ARHGAP22: variants seen among roughly 807,000 people sequenced by gnomAD.
ARHGAP22 encodes rho GTPase-activating protein 22.
In ARHGAP22, 48 loss-of-function variants were observed where a neutral mutation model predicts 59.1. The observed-to-expected ratio is 0.81, with a 90% confidence interval of 0.64 to 1.03. ARHGAP22 has a LOEUF of 1.03. Among genes scored for constraint, ARHGAP22 ranks in the 50% least tolerant of loss-of-function variants. The pLI, the probability that ARHGAP22 is intolerant of heterozygous loss-of-function variation, is 0.00. For synonymous variants in ARHGAP22, 445 were observed against 416.4 expected, an observed-to-expected ratio of 1.07 and a Z score of -0.84; for missense variants, 1,015 against 958.7, an observed-to-expected ratio of 1.06 and a Z score of -0.78.
chr10:48,631,126 C>A (rs1284746245), intron 1 of ARHGAP22, among the ~76,000 whole-genome samples: 2 of 152,168 alleles, frequency 1.3e-5, no homozygotes, highest in African/African-American at 4.8e-5. Flanking sequence ...TTTGAGTGTT[C>A]AATCAGCCTT....
At chr10:48,467,481 A>G (rs2047836747) in intron 4 of ARHGAP22, among the ~76,000 whole-genome samples, 1 of 151,888 alleles carries the variant, frequency 6.6e-6, no homozygotes. Flanking sequence ...CTTGTACTGA[A>G]TATTTATTTC....
intron 8 of ARHGAP22, among the ~76,000 whole-genome samples, chr10:48,452,093 C>A (rs905469460): frequency 6.6e-6 from 1 of 152,170 alleles, no homozygotes; most frequent in African/African-American, 2.4e-5. Flanking sequence ...CACAATCCCC[C>A]GTGTCTAGGC....
At chr10:48,620,905 G>C (rs1163913015) in intron 1 of ARHGAP22, among the ~76,000 whole-genome samples, 1 of 152,222 alleles carries the variant, frequency 6.6e-6, no homozygotes, top group Non-Finnish European at 1.5e-5. Context: ...AGGCCTTGCT[G>C]CTTCACCTTC....
Position 48,450,974 on chromosome 10 carries a change from G to A in ARHGAP22, c.1155C>T (p.Gly385=), listed in dbSNP as rs2045880864. 2 of 1,565,818 alleles carry A rather than the reference G, an allele frequency of 1.3e-6. No individual in the cohort carries two copies. The highest frequency in any genetic ancestry group is 1.7e-6 in the Non-Finnish European group (2 of 1,155,972). ...VTRDSQGEPG[G]PGLPAHRTSS... is the part of the protein sequence containing the mutation. ...AGGTCCTGTGCGCGGGCAGGCCGGGGCCGCCGGGCTCTCCTTGGCTGTCCC... is the reference window on the plus strand; with the variant it reads ...AGGTCCTGTGCGCGGGCAGGCCGGGACCGCCGGGCTCTCCTTGGCTGTCCC... The change falls in exon 9 of 10, where the codon GGC becomes GGT. Residue 385 remains glycine (G), a synonymous_variant. Coordinates refer to ENST00000249601, the MANE Select transcript of ARHGAP22 (RefSeq NM_021226.4).
chr10:48,634,032 T>C (rs1267773436), intron 1 of ARHGAP22, among the ~76,000 whole-genome samples: 1 of 152,234 alleles, frequency 6.6e-6, no homozygotes, highest in Non-Finnish European at 1.5e-5. Flanking sequence ...CGCTTGTTTC[T>C]ATGATAACTG....
chr10:48,498,335 C>T (rs962621905), intron 3 of ARHGAP22, among the ~76,000 whole-genome samples: 2 of 152,128 alleles, frequency 1.3e-5, no homozygotes, highest in African/African-American at 4.8e-5. Flanking sequence ...TGCTGGCGAA[C>T]AATGAAGGCC....
chr10:48,459,565 GGCTGGCCCACCATCCTGTC>G (rs1285619878), intron 5 of ARHGAP22, 100 bp downstream of exon 5: 2 of 1,176,298 alleles, frequency 1.7e-6, no homozygotes, highest in African/African-American at 3.0e-5. Flanking sequence ...CCACTAGGAG[GGCTGGCCCACCATCCTGTC>G]GCTAGCCCAC....
chr10:48,447,619 C>T (rs543121204), intron 9 of ARHGAP22, among the ~76,000 whole-genome samples: 12 of 152,296 alleles, frequency 7.9e-5, no homozygotes, highest in Admixed American at 7.8e-4. Context: ...CCACCCACCT[C>T]CCCACTGCTG....
the ARHGAP22 span, chr10:48,436,372 G>C: frequency 6.6e-6 from 1 of 152,156 alleles, no homozygotes; most frequent in Admixed American, 6.5e-5. Context: ...TTTTCTATCT[G>C]TAGAATTATT....
chr10:48,649,046 G>A lies in ARHGAP22; in HGVS notation c.52+3188C>T, dbSNP rs76609882. On this transcript the variant is annotated intron_variant, in intron 1 of 9. Coordinates refer to the ARHGAP22 transcript ENST00000435790. ...AGATCCAGGTGAGAGCCGACCTCTC[G>A]CCCCGCTGCCATGCAATTATTCCTA... Among the ~76,000 whole-genome samples, 1,449 of 152,238 alleles carry A rather than the reference G, an allele frequency of 9.5e-3. 31 individuals carry two copies. The highest frequency in any genetic ancestry group is 0.033 in the African/African-American group (1,387 of 41,530).
chr10:48,493,571 G>T, intron 3 of ARHGAP22: 2 of 1,512,596 alleles, frequency 1.3e-6, no homozygotes, highest in Non-Finnish European at 1.8e-6. Flanking sequence ...CCAGGTGCAC[G>T]AGGCACTCCT....
chr10:48,455,385 A>C (rs969763789), intron 5 of ARHGAP22, among the ~76,000 whole-genome samples: 3 of 152,168 alleles, frequency 2.0e-5, no homozygotes, highest in Admixed American at 6.5e-5. Context: ...ACCACCCATC[A>C]TGCCTAGGCA....
chr10:48,607,008 C>T (rs951745140), upstream of ARHGAP22, among the ~76,000 whole-genome samples: 1 of 152,136 alleles, frequency 6.6e-6, no homozygotes, highest in Non-Finnish European at 1.5e-5. Flanking sequence ...GGGACAGGGG[C>T]CACCCATGAG....
chr10:48,563,187 ATTTTT>A lies in ARHGAP22; in HGVS notation c.235-7642_235-7638del, dbSNP rs558735630. On this transcript the variant is annotated intron_variant, in intron 2 of 9. Transcript: ENST00000249601. ...AGATCCACTTGGATAATCCAGGATA[ATTTTT>A]TTTTTTTTTTTTTTTTTTTGAGACG... Among the ~76,000 whole-genome samples the A allele has an allele frequency of 1.4e-3, 142 of 104,234 alleles. 1 individual carries two copies. In the South Asian group the frequency reaches 0.014, roughly 10 times the overall value. 68.4% of individuals were successfully genotyped at this position (104,234 alleles called of 152,430 possible). A position where few individuals can be genotyped will look rare whatever the true frequency, so the allele number is the denominator to read the frequency against.
intron 1 of ARHGAP22, among the ~76,000 whole-genome samples, chr10:48,603,878 C>A (rs562387869): frequency 2.0e-5 from 3 of 152,250 alleles, no homozygotes; most frequent in African/African-American, 7.2e-5. Context: ...GCTGCAAACA[C>A]CTGGTGAGAC....
At chr10:48,523,562 C>T (rs932717869) in intron 3 of ARHGAP22, among the ~76,000 whole-genome samples, 5 of 152,240 alleles carry the variant, frequency 3.3e-5, no homozygotes, top group Non-Finnish European at 5.9e-5. Context: ...AGTCAGGGCC[C>T]CACCGTCCAA....
chr10:48,562,518 A>G (rs1443356070), intron 2 of ARHGAP22, among the ~76,000 whole-genome samples: 2 of 152,222 alleles, frequency 1.3e-5, no homozygotes, highest in Non-Finnish European at 2.9e-5. Context: ...TAATTATGCC[A>G]TGGGAAAGAA....
chr10:48,639,740 T>A lies in ARHGAP22; in HGVS notation c.52+12494A>T, dbSNP rs968323769. On this transcript the variant is annotated intron_variant, in intron 1 of 9. Coordinates refer to the ARHGAP22 transcript ENST00000435790. ...CAATTTAACAACAACATTAATCATG[T>A]GAGAAAATCAGAATTCAGCGTTCTT... is the stretch of plus-strand genomic sequence containing the variant. Among the ~76,000 whole-genome samples, 5 of 152,144 alleles carry A rather than the reference T, an allele frequency of 3.3e-5. No individual in the cohort carries two copies. In the East Asian group the frequency reaches 9.6e-4, roughly 29 times the overall value.
At chr10:48,438,125 TTG>T in the ARHGAP22 span, 1 of 152,230 alleles carries the variant, frequency 6.6e-6, no homozygotes, top group African/African-American at 2.4e-5. Context: ...CTGTTGTAGT[TTG>T]TGAGTGTTGT....
Sources: allele counts gnomAD v4.1 joint callset (sites outside exome capture counted in the v4.1 genomes callset), GRCh38; gene constraint gnomAD v4.1.1; transcripts MANE v1.5; gene names NCBI Gene and HGNC (gene_info 2026-07-23, HGNC 2026-07-21).